Variants in SBF2 observed in about 807,000 individuals in gnomAD.
SBF2 encodes the protein SET binding factor 2, also known as myotubularin-related protein 13.
In SBF2, 112 loss-of-function variants were observed where a neutral mutation model predicts 225.2. The observed-to-expected ratio is 0.50, with a 90% CI of 0.43 to 0.58. SBF2 has a LOEUF of 0.58. Ranked by LOEUF, SBF2 falls within the 20% of genes least tolerant of loss-of-function variation. SBF2 has a pLI of 0.00. For synonymous variants in SBF2, 763 were observed against 773.3 expected (o/e 0.99, Z 0.22); for missense variants, 1,996 against 2,206.2 (o/e 0.90, Z 1.91).
intron 2 of SBF2, among the ~76,000 whole-genome samples, chr11:10,146,933 T>A (rs1244807274): frequency 6.6e-6 from 1 of 151,834 alleles, no homozygotes; most frequent in Non-Finnish European, 1.5e-5. Flanking sequence ...AAAGAAGACA[T>A]GCATGTGGCC....
intron 17 of SBF2, among the ~76,000 whole-genome samples, chr11:9,876,690 G>T (rs1467340112): frequency 2.0e-5 from 3 of 152,184 alleles, no homozygotes; most frequent in South Asian, 4.1e-4. Flanking sequence ...CCACTCTGTG[G>T]TATTTCGATA....
chr11:10,026,789 T>C (rs934959642), intron 6 of SBF2, among the ~76,000 whole-genome samples: 2 of 152,016 alleles, frequency 1.3e-5, no homozygotes, highest in African/African-American at 4.8e-5. Context: ...GAGAATGTAA[T>C]CAACAAGATG....
chr11:10,226,576 G>C (rs1209849266), intron 1 of SBF2, among the ~76,000 whole-genome samples: 4 of 151,200 alleles, frequency 2.6e-5, no homozygotes, highest in Non-Finnish European at 5.9e-5. Flanking sequence ...GAGAACATGA[G>C]GTGTTTGGTT....
chr11:10,190,655 A>G (rs16907568), intron 2 of SBF2, among the ~76,000 whole-genome samples: 14,490 of 152,282 alleles, frequency 0.095, 946 homozygotes, highest in East Asian at 0.28. Context: ...TAGAACTTAC[A>G]TACATCAATT....
chr11:10,044,049 C>T (rs887040260), intron 2 of SBF2, among the ~76,000 whole-genome samples: 1 of 151,982 alleles, frequency 6.6e-6, no homozygotes, highest in Non-Finnish European at 1.5e-5. Flanking sequence ...GAAGAAAGAT[C>T]TAAAGTCAGT....
chr11:10,079,259 T>C (rs1951258916), intron 2 of SBF2, among the ~76,000 whole-genome samples: 1 of 151,970 alleles, frequency 6.6e-6, no homozygotes, highest in African/African-American at 2.4e-5. Context: ...ACCAGAAAAC[T>C]AATGCAAAGA....
chr11:9,874,519 C>T (rs1425613996), intron 17 of SBF2, among the ~76,000 whole-genome samples: 1 of 152,192 alleles, frequency 6.6e-6, no homozygotes, highest in Non-Finnish European at 1.5e-5. Context: ...AAGCTTAAGA[C>T]TCTTGTCAAT....
intron 1 of SBF2, among the ~76,000 whole-genome samples, chr11:10,288,882 G>A (rs11042719): frequency 0.49 from 75,082 of 151,958 alleles, 18,885 homozygotes; most frequent in Non-Finnish European, 0.54. Flanking sequence ...ACAAGTCCTC[G>A]CTCTAGTCCA....
At chr11:9,894,334 C>G (rs1241898907) in intron 17 of SBF2, among the ~76,000 whole-genome samples, 1 of 152,004 alleles carries the variant, frequency 6.6e-6, no homozygotes, top group Non-Finnish European at 1.5e-5. Context: ...CTGGCCAACA[C>G]GGTGAAACCC....
At position 9,807,752 on chromosome 11, in the gene SBF2, TAG is replaced by T. The variant is rs571750354; in HGVS notation, c.4443+246_4443+247del. 4,884 of 545,892 alleles carry T rather than the reference TAG, an allele frequency of 8.9e-3. 100 individuals carry two copies. The highest frequency in any genetic ancestry group is 0.052 in the South Asian group (2,492 of 47,800). 33.8% of individuals were successfully genotyped at this position (545,892 alleles called of 1,614,324 possible). ...CTTCTCTTCTTTGAAGATGGTCATT[TAG>T]AGTGCTGGCTACTTCACTTGGGGCA... is the stretch of plus-strand genomic sequence containing the variant. On this transcript the variant is annotated intron_variant, in intron 32 of 39. Coordinates refer to ENST00000256190, the MANE Select transcript of SBF2 (RefSeq NM_030962.4).
chr11:10,042,759 C>G (rs1949700130), intron 3 of SBF2, 85 bp downstream of exon 3: 2 of 1,423,366 alleles, frequency 1.4e-6, no homozygotes, highest in African/African-American at 1.4e-5. Context: ...CTCAAACTTG[C>G]AGTTGTAACA....
chr11:10,170,289 T>C (rs542065469), intron 2 of SBF2, among the ~76,000 whole-genome samples: 7 of 152,312 alleles, frequency 4.6e-5, no homozygotes, highest in Non-Finnish European at 1.0e-4. Flanking sequence ...TTAATCAATT[T>C]TGATGTGATT....
intron 1 of SBF2, among the ~76,000 whole-genome samples, chr11:10,226,231 C>A (rs867522375): frequency 2.0e-5 from 3 of 151,966 alleles, no homozygotes; most frequent in South Asian, 2.1e-4. Context: ...TCCCAAAAAA[C>A]CAAGAAAATA....
At chr11:9,991,492 A>G (rs995145881) in intron 12 of SBF2, among the ~76,000 whole-genome samples, 1 of 152,164 alleles carries the variant, frequency 6.6e-6, no homozygotes, top group Non-Finnish European at 1.5e-5. Context: ...CACTGCCACG[A>G]TTCTCCAATA....
chr11:10,125,650 T>C (rs917546960), intron 2 of SBF2, among the ~76,000 whole-genome samples: 5 of 152,186 alleles, frequency 3.3e-5, no homozygotes, highest in African/African-American at 7.2e-5. Context: ...CAGGGTACAG[T>C]TGTTTGAACT....
rs376297320 is a variant in SBF2, at chr11:9,873,925, T to C, written c.1930-15529A>G. 1.5e-3 allele frequency among the ~76,000 whole-genome samples: 228 copies of C among 152,178 alleles called. 1 individual carries two copies. Among genetic ancestry groups the C allele is most frequent in the African/African-American group, 5.2e-3 (216 of 41,518 alleles). On this transcript the variant is annotated intron_variant, in intron 17 of 39. Transcript: ENST00000256190. ...TTAGCCGGGCCTGGTGGCAGGCGCA[T>C]GTAATCTCAGCTACTCGGGAGGCTG...
chr11:9,790,970 A>G, intron 33 of SBF2: 1 of 252,058 alleles, frequency 4.0e-6, no homozygotes, highest in Non-Finnish European at 7.7e-6. Flanking sequence ...ATCTATATCT[A>G]GATTCAAAGA....
chr11:10,072,327 G>T (rs1471327140), intron 2 of SBF2, among the ~76,000 whole-genome samples: 1 of 152,082 alleles, frequency 6.6e-6, no homozygotes. Context: ...TATTTTAAGG[G>T]AAATTTAAGA....
At chr11:10,243,629 T>C (rs556902171) in intron 1 of SBF2, among the ~76,000 whole-genome samples, 12 of 152,054 alleles carry the variant, frequency 7.9e-5, no homozygotes, top group African/African-American at 2.4e-4. Context: ...GACATTACAA[T>C]TGATGCCACA....
Sources: allele counts gnomAD v4.1 joint callset (sites outside exome capture counted in the v4.1 genomes callset), GRCh38; gene constraint gnomAD v4.1.1; transcripts MANE v1.5; gene names NCBI Gene and HGNC (gene_info 2026-07-23, HGNC 2026-07-21).